The following SUGP1 variants were observed in gnomAD, a reference collection of about 807,000 sequenced individuals.
The protein encoded by SUGP1 is SURP and G-patch domain-containing protein 1.
Under a neutral mutation model 76.5 loss-of-function variants are expected in SUGP1, and 34 were observed. That is an observed-to-expected ratio of 0.44 (90% CI 0.34 to 0.59). The LOEUF is 0.59. SUGP1 is among the 20% of genes least tolerant of loss of function. SUGP1 has a pLI of 0.01. For synonymous variants in SUGP1, 326 were observed against 326.2 expected, an observed-to-expected ratio of 1.00 and a Z score of 0.01; for missense variants, 752 against 851.7, an observed-to-expected ratio of 0.88 and a Z score of 1.46.
intron 8 of SUGP1, among the ~76,000 whole-genome samples, chr19:19,294,500 G>A (rs1362827639): frequency 7.7e-6 from 1 of 129,894 alleles, no homozygotes; most frequent in African/African-American, 3.2e-5. Context: ...CTGGGTGACA[G>A]AGTGAGACTC....
intron 8 of SUGP1, among the ~76,000 whole-genome samples, chr19:19,283,154 C>T (rs1439207789): frequency 2.0e-5 from 3 of 152,040 alleles, no homozygotes; most frequent in African/African-American, 7.2e-5. Flanking sequence ...CACTTACTAC[C>T]ATAAAACATA....
intron 12 of SUGP1, among the ~76,000 whole-genome samples, 178 bp from the exon 13 acceptor site, chr19:19,277,254 G>GC (rs1555787452): frequency 2.7e-5 from 4 of 150,504 alleles, no homozygotes; most frequent in East Asian, 3.9e-4. Context: ...GGGCGGGCGG[G>GC]GGGGGGGGGC....
chr19:19,297,096 ACGGTGGCTGCGGAGGCTGGCTTCC>A lies in SUGP1; in HGVS notation c.1112_1135del (p.Gly371_Thr378del), dbSNP rs1306181943. On this transcript the variant is annotated inframe_deletion, in exon 8 of 14. Transcript: ENST00000247001. ...CCACCGGCTCTTCCGCTTCCTCTTC[ACGGTGGCTGCGGAGGCTGGCTTCC>A]CGGGGGCAGCTGGAGCAGGGATGAT... is the stretch of plus-strand genomic sequence containing the variant. 2.2e-5 allele frequency: 36 copies of A among 1,613,630 alleles called. No individual in the cohort carries two copies. Among genetic ancestry groups the A allele is most frequent in the Non-Finnish European group, 3.0e-5 (35 of 1,179,916 alleles).
chr19:19,277,633 C>A, intron 12 of SUGP1, 101 bp downstream of exon 12: 1 of 1,455,492 alleles, frequency 6.9e-7, no homozygotes, highest in Non-Finnish European at 9.3e-7. Context: ...CATTTTGCCA[C>A]AAGGGAAAAG....
rs538383577 is a variant in SUGP1, at chr19:19,303,576, A to T, written c.663-128T>A. On this transcript the variant is annotated intron_variant, in intron 5 of 13. Coordinates refer to ENST00000247001, the MANE Select transcript of SUGP1 (RefSeq NM_172231.4). ...GGACCCGAAAGCAAGTCTCCGTGCC[A>T]CATGGGAGCCACTTGTCACTTCTGG... 28 of 1,340,612 alleles carry T rather than the reference A, an allele frequency of 2.1e-5. No individual in the cohort carries two copies. In the East Asian group the frequency reaches 6.4e-4, roughly 31 times the overall value. The allele number at this position is 1,340,612 out of a possible 1,614,324, so 83.0% of individuals were successfully genotyped here. A position where few individuals can be genotyped will look rare whatever the true frequency, so the allele number is the denominator to read the frequency against.
rs1262886873 is a variant in SUGP1, at chr19:19,297,130, C to G, written c.1102G>C (p.Ala368Pro). The change falls in exon 8 of 14, where the codon GCT (alanine) becomes CCT (proline). Residue 368 changes from alanine (A) to proline (P), a missense_variant. Transcript: ENST00000247001. ...TPAPTIIPAP[A>P]APGKPASAAT... ...GCGGAGGCTGGCTTCCCGGGGGCAG[C>G]TGGAGCAGGGATGATAGTGGGCGCA... 1.2e-6 allele frequency: 2 copies of G among 1,613,812 alleles called. No individual in the cohort carries two copies. Among genetic ancestry groups the G allele is most frequent in the Admixed American group, 3.3e-5 (2 of 59,980 alleles).
Position 19,278,738 on chromosome 19 carries a change from C to A in SUGP1, c.1587G>T (p.Leu529=), listed in dbSNP as rs74543094. The A allele has an allele frequency of 1.5e-4, 238 of 1,614,052 alleles. No individual in the cohort carries two copies. In the African/African-American group the frequency reaches 2.9e-3, roughly 20 times the overall value. The part of the protein sequence containing the change: ...GRGKHFIGDF[L]PPDELEKFME... ...TAAACTTTTCCAGCTCGTCTGGAGG[C>A]AGGAAGTCTCCGATGAAGTGCTTGC... The change falls in exon 11 of 14, where the codon CTG becomes CTT. Residue 529 remains leucine (L), a synonymous_variant. Coordinates refer to ENST00000247001, the MANE Select transcript of SUGP1 (RefSeq NM_172231.4).
intron 8 of SUGP1, among the ~76,000 whole-genome samples, chr19:19,293,051 C>T (rs927729561): frequency 9.9e-5 from 15 of 151,872 alleles, no homozygotes; most frequent in Non-Finnish European, 1.6e-4. Context: ...GGATTACAGG[C>T]GTGTGCCACC....
chr19:19,313,428 G>A (rs2061367013), intron 2 of SUGP1, among the ~76,000 whole-genome samples: 1 of 151,908 alleles, frequency 6.6e-6, no homozygotes, highest in South Asian at 2.1e-4. Context: ...CAAACACATC[G>A]GGCCAGGAGC....
At chr19:19,301,045 T>C (rs1191904053) in intron 7 of SUGP1, among the ~76,000 whole-genome samples, 3 of 152,170 alleles carry the variant, frequency 2.0e-5, no homozygotes, top group African/African-American at 4.8e-5. Flanking sequence ...ACTAGGTTTC[T>C]TATTTATATA....
chr19:19,304,606 C>T (rs538866069), intron 4 of SUGP1, among the ~76,000 whole-genome samples: 91 of 152,308 alleles, frequency 6.0e-4, no homozygotes, highest in African/African-American at 2.1e-3. Context: ...CCCCACTGAG[C>T]CATGTGGAAC....
intron 3 of SUGP1, 48 bp downstream of exon 3, chr19:19,310,049 A>G (rs1480163688): frequency 1.3e-6 from 2 of 1,484,834 alleles, no homozygotes; most frequent in Non-Finnish European, 9.4e-7. Context: ...CAGCAACCCC[A>G]GGGGGAGATG....
intron 11 of SUGP1, among the ~76,000 whole-genome samples, chr19:19,278,321 G>A (rs2061069909): frequency 6.6e-6 from 1 of 152,198 alleles, no homozygotes; most frequent in Admixed American, 6.5e-5. Context: ...TGCCATGTCA[G>A]CCCTCTCTCC....
intron 8 of SUGP1, among the ~76,000 whole-genome samples, chr19:19,295,898 A>C (rs74182633): frequency 0.021 from 3,214 of 152,258 alleles, 43 homozygotes; most frequent in Non-Finnish European, 0.034. Context: ...AAAGGACTAA[A>C]ATAGACATTT....
rs1294999217 is a variant in SUGP1, at chr19:19,297,174, C to T, written c.1058G>A (p.Cys353Tyr). The T allele has an allele frequency of 9.9e-6, 16 of 1,610,656 alleles. No homozygotes were observed. The highest frequency in any genetic ancestry group is 1.4e-5 in the Non-Finnish European group (16 of 1,177,466). Residue 353 changes from cysteine to tyrosine, a missense_variant, in exon 8 of 14, where the codon TGC (cysteine) becomes TAC (tyrosine). Cys to Tyr is a radical substitution (Grantham distance 194, BLOSUM62 -2). Coordinates refer to ENST00000247001, the MANE Select transcript of SUGP1 (RefSeq NM_172231.4). Reference sequence around the variant, plus strand: ...GGGCGCAGGCGTGGACGAGGCGGGGCAGGTGGTGGCTGGGGGTAAGGACCC... The same window carrying T: ...GGGCGCAGGCGTGGACGAGGCGGGGTAGGTGGTGGCTGGGGGTAAGGACCC... Reference protein sequence around the residue: ...LSGSLPPATTCPASSTPAPTI... With the variant: ...LSGSLPPATTYPASSTPAPTI...
At chr19:19,315,264 G>C (rs2061384689) in intron 2 of SUGP1, among the ~76,000 whole-genome samples, 1 of 152,090 alleles carries the variant, frequency 6.6e-6, no homozygotes, top group Admixed American at 6.6e-5. Flanking sequence ...AGAGCTCAAG[G>C]CTTCGGTGAG....
chr19:19,305,438 A>G (rs1319820526), intron 4 of SUGP1, among the ~76,000 whole-genome samples: 1 of 152,188 alleles, frequency 6.6e-6, no homozygotes, highest in Non-Finnish European at 1.5e-5. Flanking sequence ...GCCTAAACTC[A>G]GGGGACAGGT....
intron 4 of SUGP1, 117 bp downstream of exon 4, chr19:19,305,732 G>A: frequency 3.0e-6 from 3 of 1,011,316 alleles, no homozygotes; most frequent in Non-Finnish European, 4.3e-6. Context: ...AGGTCTGGTG[G>A]CTGCAACTCA....
chr19:19,306,633 G>A (rs192303349), intron 3 of SUGP1, among the ~76,000 whole-genome samples: 6 of 152,342 alleles, frequency 3.9e-5, no homozygotes, highest in Non-Finnish European at 7.3e-5. Context: ...GGCTCTGGTC[G>A]GTAAACCCCA....
Sources: gnomAD v4.1 joint callset for allele counts (sites outside exome capture counted in the v4.1 genomes callset) on GRCh38, gnomAD v4.1.1 for gene constraint, MANE v1.5 for transcripts, NCBI Gene and HGNC (gene_info 2026-07-23, HGNC 2026-07-21) for gene names.